Variants in CERT1 observed in about 807,000 individuals in gnomAD.
The protein encoded by CERT1 is ceramide transporter 1, also known as ceramide transfer protein.
A neutral mutation model predicts 87.9 loss-of-function variants in CERT1; 31 were observed. The ratio of observed to expected loss-of-function variants is 0.35; its 90% CI spans 0.27 to 0.48. CERT1 has a LOEUF of 0.48. CERT1 is among the 20% of genes least tolerant of loss of function. The pLI, the probability that CERT1 is intolerant of heterozygous loss-of-function variation, is 0.99. For synonymous variants in CERT1, 289 were observed against 250.9 expected, an observed-to-expected ratio of 1.15 and a Z score of -1.44; for missense variants, 487 against 758.0, an observed-to-expected ratio of 0.64 and a Z score of 4.20.
rs58579870 is a variant in CERT1 at position 75,411,303 on chromosome 5, T to TTATGTATG, written c.838-208_838-201dup. ...CTATAAATTACTTACAACCTACTAT[T>TTATGTATG]TATGTATGTATGTATGTATGTATTT... On this transcript the variant is annotated intron_variant, in intron 7 of 16. Transcript: ENST00000643780. Among the ~76,000 whole-genome samples, 6 of 151,930 alleles carry TTATGTATG rather than the reference T, an allele frequency of 3.9e-5. No individual in the cohort carries two copies. In the East Asian group the frequency reaches 5.8e-4, roughly 15 times the overall value.
chr5:75,497,598 A>G (rs755592500), intron 2 of CERT1, among the ~76,000 whole-genome samples: 28 of 152,018 alleles, frequency 1.8e-4, no homozygotes, highest in Non-Finnish European at 4.1e-4. Flanking sequence ...CGATGGTTTT[A>G]TAAGGGCTTT....
chr5:75,427,426 C>T (rs1431993745), intron 3 of CERT1, among the ~76,000 whole-genome samples: 1 of 152,146 alleles, frequency 6.6e-6, no homozygotes, highest in East Asian at 1.9e-4. Context: ...TGGTGAAACC[C>T]TGTCTCTACT....
At chr5:75,490,513 T>G (rs1766737645) in intron 2 of CERT1, among the ~76,000 whole-genome samples, 1 of 152,140 alleles carries the variant, frequency 6.6e-6, no homozygotes, top group Non-Finnish European at 1.5e-5. Context: ...ATTTATTTTT[T>G]TTTGAGACAG....
At chr5:75,428,307 C>CA (rs1373519208) in intron 3 of CERT1, among the ~76,000 whole-genome samples, 4 of 143,296 alleles carry the variant, frequency 2.8e-5, no homozygotes, top group Admixed American at 6.9e-5. Context: ...GGCACCCAAT[C>CA]AAAAAAAACG....
chr5:75,451,222 T>C (rs1764758288), intron 3 of CERT1, among the ~76,000 whole-genome samples: 1 of 152,180 alleles, frequency 6.6e-6, no homozygotes, highest in South Asian at 2.1e-4. Flanking sequence ...CGCATGCAAT[T>C]TGGCAGTTAA....
At chr5:75,403,148 G>T (rs983746634) in intron 8 of CERT1, 90 bp from the exon 9 acceptor site, 1 of 830,018 alleles carries the variant, frequency 1.2e-6, no homozygotes, top group Non-Finnish European at 2.0e-6. Context: ...TTTGAAAATT[G>T]ACCTAATAAA....
At chr5:75,389,445 C>T (rs1385277954) in intron 12 of CERT1, 147 bp downstream of exon 12, 8 of 539,502 alleles carry the variant, frequency 1.5e-5, no homozygotes, top group Non-Finnish European at 2.6e-5. Context: ...CATTTTATTG[C>T]TCAATATATG....
In CERT1 at chr5:75,511,579, T is replaced by G. The variant is rs1046844894; in HGVS notation, c.-372A>C. 6.8e-7 allele frequency: 1 copy of G among 1,462,766 alleles called. No homozygotes were observed. Among genetic ancestry groups the G allele is most frequent in the African/African-American group, 1.4e-5 (1 of 70,826 alleles). 90.6% of individuals were successfully genotyped at this position (1,462,766 alleles called of 1,614,324 possible). ...GAAAATCCGGCCGCTGAGTCCCGCGTCCACTCACACCTCCGCTACCGCCGC... is the reference window on the plus strand; with the variant it reads ...GAAAATCCGGCCGCTGAGTCCCGCGGCCACTCACACCTCCGCTACCGCCGC... On this transcript the variant is annotated 5_prime_UTR_variant, in exon 1 of 17. Transcript: ENST00000643780.
chr5:75,458,883 C>T (rs1489925818), intron 3 of CERT1, among the ~76,000 whole-genome samples, 182 bp downstream of exon 3: 2 of 152,100 alleles, frequency 1.3e-5, no homozygotes, highest in Non-Finnish European at 1.5e-5. Context: ...ACCCTTAGTA[C>T]AACTAAAGTG....
chr5:75,471,666 G>A (rs1157159942), intron 2 of CERT1, among the ~76,000 whole-genome samples: 1 of 146,196 alleles, frequency 6.8e-6, no homozygotes, highest in East Asian at 2.1e-4. Context: ...GGCTGAGGTA[G>A]AATTGCTTGA....
At chr5:75,400,771 T>G (rs994923082) in intron 9 of CERT1, 1 of 152,368 alleles carries the variant, frequency 6.6e-6, no homozygotes, top group African/African-American at 2.4e-5. Flanking sequence ...TCTCTTTGCC[T>G]CCTCTCCATG....
chr5:75,413,776 C>T, intron 7 of CERT1, among the ~76,000 whole-genome samples: 1 of 151,990 alleles, frequency 6.6e-6, no homozygotes, highest in South Asian at 2.1e-4. Context: ...TACCAAAATG[C>T]TGTCAAGAAT....
At chr5:75,508,218 C>T (rs1361390555) in intron 1 of CERT1, among the ~76,000 whole-genome samples, 1 of 152,160 alleles carries the variant, frequency 6.6e-6, no homozygotes, top group Non-Finnish European at 1.5e-5. Flanking sequence ...AACTTTGTGA[C>T]AGTGGTCAAG....
chr5:75,444,005 T>C (rs1293121433), intron 3 of CERT1, among the ~76,000 whole-genome samples: 2 of 152,226 alleles, frequency 1.3e-5, no homozygotes, highest in Non-Finnish European at 2.9e-5. Flanking sequence ...TCTTCCATTC[T>C]TTCACTTTCA....
chr5:75,467,899 T>C (rs753039386), intron 2 of CERT1, among the ~76,000 whole-genome samples: 1 of 152,186 alleles, frequency 6.6e-6, no homozygotes, highest in Non-Finnish European at 1.5e-5. Flanking sequence ...GATGAATAAA[T>C]GGAACCCATT....
rs182847993 is a variant in CERT1 at position 75,498,259 on chromosome 5, G to A, written c.231+7723C>T. ...TGTTGATGTGACAGAAAAGAAGAAC[G>A]TATTTTCTGGGGAGAAATTCAAGCC... On this transcript the variant is annotated intron_variant, in intron 2 of 16. Transcript: ENST00000643780. Among the ~76,000 whole-genome samples the A allele has an allele frequency of 1.1e-4, 17 of 152,280 alleles. No individual in the cohort carries two copies. In the East Asian group the frequency reaches 2.5e-3, roughly 22 times the overall value.
At chr5:75,385,457 G>C (rs1761746617) in intron 13 of CERT1, among the ~76,000 whole-genome samples, 1 of 152,120 alleles carries the variant, frequency 6.6e-6, no homozygotes, top group African/African-American at 2.4e-5. Context: ...TGTGTGACAA[G>C]AGCGAAACTC....
chr5:75,481,710 A>G (rs1208088003), intron 2 of CERT1, among the ~76,000 whole-genome samples: 1 of 152,218 alleles, frequency 6.6e-6, no homozygotes, highest in Non-Finnish European at 1.5e-5. Context: ...GTTCTTTCAT[A>G]TAACATATTG....
At chr5:75,510,375 C>A (rs1399086228) in intron 1 of CERT1, among the ~76,000 whole-genome samples, 1 of 152,132 alleles carries the variant, frequency 6.6e-6, no homozygotes, top group Non-Finnish European at 1.5e-5. Flanking sequence ...AATTTTGATA[C>A]AGGGATTTTA....
Sources: gnomAD v4.1 joint callset for allele counts (sites outside exome capture counted in the v4.1 genomes callset) on GRCh38, gnomAD v4.1.1 for gene constraint, MANE v1.5 for transcripts, NCBI Gene and HGNC (gene_info 2026-07-23, HGNC 2026-07-21) for gene names.